The following PBK variants were observed in gnomAD, a reference collection of about 807,000 sequenced individuals.
PBK encodes the protein PDZ binding kinase.
Under a neutral mutation model 33.5 loss-of-function variants are expected in PBK, and 22 were observed. That is an observed-to-expected ratio of 0.66 (90% CI 0.47 to 0.94). The LOEUF (loss-of-function observed/expected upper bound fraction) is 0.94, where lower values mean the gene tolerates loss of function less well. Among genes scored for constraint, PBK ranks in the 40% least tolerant of loss-of-function variants. The pLI, the probability that PBK is intolerant of heterozygous loss-of-function variation, is 0.00. For synonymous variants in PBK, 129 were observed against 123.8 expected (o/e 1.04, Z -0.28); for missense variants, 376 against 383.4 (o/e 0.98, Z 0.16).
At chr8:27,817,988 T>C (rs1175560608) in intron 6 of PBK, among the ~76,000 whole-genome samples, 2 of 152,194 alleles carry the variant, frequency 1.3e-5, no homozygotes, top group African/African-American at 4.8e-5. Context: ...TTCAATGTTT[T>C]AATATTAATG....
intron 6 of PBK, among the ~76,000 whole-genome samples, chr8:27,818,957 T>C (rs1323112121): frequency 1.3e-5 from 2 of 152,228 alleles, no homozygotes; most frequent in African/African-American, 2.4e-5. Context: ...CATCATTTAC[T>C]GACTAAACTA....
chr8:27,815,005 T>C (rs990258659), intron 6 of PBK, among the ~76,000 whole-genome samples: 4 of 152,226 alleles, frequency 2.6e-5, no homozygotes, highest in Admixed American at 1.3e-4. Flanking sequence ...TTGATTACTA[T>C]AATCTGCATT....
chr8:27,817,410 T>C (rs901670429), intron 6 of PBK, among the ~76,000 whole-genome samples: 1 of 152,098 alleles, frequency 6.6e-6, no homozygotes, highest in Non-Finnish European at 1.5e-5. Context: ...AGACGACAGT[T>C]TGGAAATCTG....
At chr8:27,834,432 G>A (rs1442432886) in intron 1 of PBK, among the ~76,000 whole-genome samples, 1 of 152,234 alleles carries the variant, frequency 6.6e-6, no homozygotes, top group Admixed American at 6.5e-5. Context: ...ATGACTGCCA[G>A]TGGGTATGGG....
chr8:27,825,399 T>C (rs755103408), intron 3 of PBK, among the ~76,000 whole-genome samples: 20 of 152,082 alleles, frequency 1.3e-4, no homozygotes, highest in Non-Finnish European at 2.4e-4. Context: ...GATGGCACCA[T>C]TGCACTCCAG....
At chr8:27,815,394 T>C (rs1460027092) in intron 6 of PBK, among the ~76,000 whole-genome samples, 1 of 152,228 alleles carries the variant, frequency 6.6e-6, no homozygotes, top group Admixed American at 6.5e-5. Flanking sequence ...GGTGTCTCTA[T>C]GGTAGCCTTT....
At chr8:27,814,548 C>T (rs1295095723) in intron 6 of PBK, among the ~76,000 whole-genome samples, 2 of 151,844 alleles carry the variant, frequency 1.3e-5, no homozygotes, top group Admixed American at 1.3e-4. Flanking sequence ...TTATTCCCTT[C>T]CTTTGGATTT....
intron 3 of PBK, among the ~76,000 whole-genome samples, chr8:27,827,537 G>C (rs150007239): frequency 1.1e-4 from 16 of 152,094 alleles, no homozygotes; most frequent in African/African-American, 3.4e-4. Flanking sequence ...AAAAATATAT[G>C]AATAATAAAA....
chr8:27,810,873 A>G (rs892605429), intron 7 of PBK, 85 bp downstream of exon 7: 5 of 879,562 alleles, frequency 5.7e-6, no homozygotes, highest in East Asian at 2.6e-5. Context: ...CATCAGTACT[A>G]ATACATATCT....
At chr8:27,820,435 A>G (rs2272689) in intron 6 of PBK, 130 bp downstream of exon 6, 78,089 of 602,674 alleles carry the variant, frequency 0.13, 6,609 homozygotes, top group East Asian at 0.32. Context: ...GAGAGAGAGA[A>G]AAAAAGGGGA....
chr8:27,834,247 C>T (rs61307243), intron 1 of PBK, among the ~76,000 whole-genome samples: 29 of 152,160 alleles, frequency 1.9e-4, no homozygotes, highest in African/African-American at 7.0e-4. Flanking sequence ...AGGCTGGTCA[C>T]GAACTCCCGA....
intron 1 of PBK, among the ~76,000 whole-genome samples, chr8:27,834,732 A>T (rs1806195467): frequency 6.6e-6 from 1 of 152,136 alleles, no homozygotes; most frequent in South Asian, 2.1e-4. Context: ...CGTCTCTACT[A>T]AAAATACAAA....
At chr8:27,820,759 C>T in intron 5 of PBK, 65 bp from the exon 6 acceptor site, 1 of 858,760 alleles carries the variant, frequency 1.2e-6, no homozygotes, top group Non-Finnish European at 1.8e-6. Flanking sequence ...ATGTGATAAC[C>T]TCCAAATATA....
intron 1 of PBK, among the ~76,000 whole-genome samples, 184 bp downstream of exon 1, chr8:27,837,468 C>T (rs1478285848): frequency 6.6e-6 from 1 of 152,176 alleles, no homozygotes; most frequent in East Asian, 1.9e-4. Context: ...GCATCTCACA[C>T]GCTCAGCAGG....
chr8:27,828,744 C>CAAAAA lies in PBK; in HGVS notation c.59-551_59-547dup, dbSNP rs34388320. Among the ~76,000 whole-genome samples the CAAAAA allele has an allele frequency of 3.0e-3, 249 of 82,578 alleles. 6 individuals are homozygous for CAAAAA. Among genetic ancestry groups the CAAAAA allele is most frequent in the African/African-American group, 0.01 (212 of 21,130 alleles). 54.2% of individuals were successfully genotyped at this position (82,578 alleles called of 152,430 possible). A position where few individuals can be genotyped will look rare whatever the true frequency, so the allele number is the denominator to read the frequency against. ...TGGGTGACAGAGCAAGACACAGTCT[C>CAAAAA]AAAAAAAAAAAAAAAAAAAAAAAAA... On this transcript the variant is annotated intron_variant, in intron 2 of 7. Coordinates refer to ENST00000301905, the MANE Select transcript of PBK (RefSeq NM_018492.4).
Position 27,822,502 on chromosome 8 carries a change from T to C in PBK, c.296-14A>G, listed in dbSNP as rs371839165. The C allele has an allele frequency of 9.6e-6, 15 of 1,562,218 alleles. No homozygotes were observed. Among genetic ancestry groups the C allele is most frequent in the Non-Finnish European group, 1.3e-5 (15 of 1,148,150 alleles). On this transcript the variant is annotated splice_polypyrimidine_tract_variant and intron_variant, in intron 4 of 7. Coordinates refer to ENST00000301905, the MANE Select transcript of PBK (RefSeq NM_018492.4). ...AAGCACGATAACCTTAAAGAAAACA[T>C]GACATTTCTTCACTAATATAGAGAA... is the stretch of plus-strand genomic sequence containing the variant.
chr8:27,823,306 C>G, intron 3 of PBK, 101 bp from the exon 4 acceptor site: 1 of 690,516 alleles, frequency 1.4e-6, no homozygotes, highest in Non-Finnish European at 2.4e-6. Context: ...AAGAAATTTG[C>G]TTTTAAAAAC....
At chr8:27,826,610 C>A (rs995350228) in intron 3 of PBK, among the ~76,000 whole-genome samples, 1 of 109,430 alleles carries the variant, frequency 9.1e-6, no homozygotes, top group African/African-American at 4.3e-5. Flanking sequence ...TCCTGGCTAA[C>A]ACGGTGAAAC....
intron 2 of PBK, among the ~76,000 whole-genome samples, chr8:27,830,905 A>C (rs1478488502): frequency 1.3e-5 from 2 of 152,342 alleles, no homozygotes; most frequent in East Asian, 3.9e-4. Flanking sequence ...ACAAATCAAA[A>C]TAAATCTGGA....
Sources: gnomAD v4.1 joint callset for allele counts (sites outside exome capture counted in the v4.1 genomes callset) on GRCh38, gnomAD v4.1.1 for gene constraint, MANE v1.5 for transcripts, NCBI Gene and HGNC (gene_info 2026-07-23, HGNC 2026-07-21) for gene names.